MAPK8IP3: variants seen among roughly 807,000 people sequenced by gnomAD.
The protein encoded by MAPK8IP3 is mitogen-activated protein kinase 8 interacting protein 3.
MAPK8IP3 carries 49 observed loss-of-function variants against 157.8 expected under a neutral mutation model. That is an observed-to-expected ratio of 0.31 (90% CI 0.25 to 0.39). The LOEUF is 0.39. Ranked by LOEUF, MAPK8IP3 falls within the 10% of genes least tolerant of loss-of-function variation. The pLI is 1.00. For missense variants in MAPK8IP3, 1,478 were observed against 1,889.4 expected (o/e 0.78, Z 4.04); for synonymous variants, 897 against 777.7 (o/e 1.15, Z -2.55).
intron 4 of MAPK8IP3, among the ~76,000 whole-genome samples, chr16:1,737,898 G>C (rs1596649217): frequency 2.5e-5 from 2 of 79,102 alleles, no homozygotes; most frequent in Admixed American, 1.4e-4. Flanking sequence ...ATCCGTGTGA[G>C]CGTGTGACCG....
chr16:1,737,817 CGTCCGTGTGAGCGTGACT>C (rs2040135070), intron 4 of MAPK8IP3, among the ~76,000 whole-genome samples: 1 of 88,438 alleles, frequency 1.1e-5, no homozygotes, highest in Non-Finnish European at 2.1e-5. Context: ...TCCGTGTGAG[CGTCCGTGTGAGCGTGACT>C]GTCCGTGTGT....
At chr16:1,712,319 C>T (rs1255327769) in intron 1 of MAPK8IP3, among the ~76,000 whole-genome samples, 1 of 151,940 alleles carries the variant, frequency 6.6e-6, no homozygotes, top group Non-Finnish European at 1.5e-5. Context: ...TCTCGGCCTC[C>T]CAAAGTGCTG....
At chr16:1,739,040 G>C (rs1363478421) in intron 4 of MAPK8IP3, among the ~76,000 whole-genome samples, 4 of 139,848 alleles carry the variant, frequency 2.9e-5, no homozygotes, top group Admixed American at 7.2e-5. Flanking sequence ...GCGTCCGTGT[G>C]AGCGTCCGTG....
chr16:1,725,616 G>C (rs1211678371), intron 2 of MAPK8IP3, among the ~76,000 whole-genome samples: 3 of 151,560 alleles, frequency 2.0e-5, no homozygotes, highest in African/African-American at 7.3e-5. Flanking sequence ...GACAGAGTGA[G>C]ACTCCATCTC....
rs768919680 is a variant in MAPK8IP3 at position 1,764,089 on chromosome 16, C to T, written c.2026-26C>T. The T allele has an allele frequency of 8.3e-6, 13 of 1,573,276 alleles. 1 individual carries two copies. The highest frequency in any genetic ancestry group is 1.1e-5 in the South Asian group (1 of 87,790). ...GATGGGTAGGAGCCAGGGTTCGTGC[C>T]CACGGCGCCTCCCTGCTCCCTGCAG... On this transcript the variant is annotated intron_variant, in intron 17 of 31. Coordinates refer to ENST00000610761, the MANE Select transcript of MAPK8IP3 (RefSeq NM_001318852.2).
intron 1 of MAPK8IP3, among the ~76,000 whole-genome samples, chr16:1,718,882 A>G (rs2038332245): frequency 6.6e-6 from 1 of 152,064 alleles, no homozygotes; most frequent in Non-Finnish European, 1.5e-5. Flanking sequence ...CCCCAAGTCT[A>G]GCCCTAGCAT....
Position 1,743,516 on chromosome 16 carries a change from T to G in MAPK8IP3, c.747+40T>G. ...CCGTGGAGTGAGAGGCTCCTCCCTG[T>G]TGCTGGTGTTCCCCGTTCACTGGGG... On this transcript the variant is annotated intron_variant, in intron 5 of 31. Transcript: ENST00000610761. This position sits in a 1 kb window ranked among gnomAD's most constrained non-coding sequence, Gnocchi z 5.6. 1.2e-6 allele frequency: 2 copies of G among 1,600,884 alleles called. No individual in the cohort carries two copies. The highest frequency in any genetic ancestry group is 1.7e-6 in the Non-Finnish European group (2 of 1,177,544).
chr16:1,733,325 C>T (rs2039437341), intron 4 of MAPK8IP3, among the ~76,000 whole-genome samples: 1 of 152,122 alleles, frequency 6.6e-6, no homozygotes, highest in Non-Finnish European at 1.5e-5. Flanking sequence ...GGCCGAGAGC[C>T]CAGGTTCCGA....
At chr16:1,734,995 T>A (rs955502139) in intron 4 of MAPK8IP3, 3 of 154,674 alleles carry the variant, frequency 1.9e-5, no homozygotes, top group Admixed American at 6.5e-5. Flanking sequence ...CCACGTGCCA[T>A]GTGTACACAC....
intron 1 of MAPK8IP3, among the ~76,000 whole-genome samples, chr16:1,716,712 G>C (rs895164668): frequency 6.6e-6 from 1 of 151,204 alleles, no homozygotes; most frequent in Non-Finnish European, 1.5e-5. Flanking sequence ...TTAGGAGTTT[G>C]AGACCAGCCT....
At chr16:1,729,652 A>G in intron 4 of MAPK8IP3, 74 bp downstream of exon 4, 2 of 1,380,678 alleles carry the variant, frequency 1.4e-6, no homozygotes, top group Non-Finnish European at 2.0e-6. Context: ...GGCACATGCC[A>G]GGGTCGTAGT....
rs566942527 is a variant in MAPK8IP3, at chr16:1,758,962, G to C, written c.1229-16G>C. The C allele has an allele frequency of 5.6e-6, 9 of 1,614,118 alleles. No individual in the cohort carries two copies. The South Asian group carries it at 6.6e-5, about 12-fold the overall frequency. On this transcript the variant is annotated splice_polypyrimidine_tract_variant and intron_variant, in intron 9 of 31. Coordinates refer to ENST00000610761, the MANE Select transcript of MAPK8IP3 (RefSeq NM_001318852.2). The stretch of plus-strand genomic sequence containing the variant: ...CCTGGTTGCCCATCTCCTGTGGGAC[G>C]GGGACGGCTCCCTAGTGCGCGATGA...
At chr16:1,760,574 G>A in intron 12 of MAPK8IP3, 42 bp downstream of exon 12, 1 of 1,585,042 alleles carries the variant, frequency 6.3e-7, no homozygotes, top group Non-Finnish European at 8.6e-7. Context: ...AGGGACCCCG[G>A]CCTCAGGGCT....
intron 1 of MAPK8IP3, chr16:1,707,949 C>T (rs905659178): frequency 1.3e-5 from 2 of 152,126 alleles, no homozygotes; most frequent in African/African-American, 4.8e-5. Flanking sequence ...TGGTTTAAAG[C>T]GTGTTTATAA....
chr16:1,719,289 G>GAA (rs76576576), intron 1 of MAPK8IP3, among the ~76,000 whole-genome samples: 1 of 136,438 alleles, frequency 7.3e-6, no homozygotes, highest in Admixed American at 7.3e-5. Flanking sequence ...TCTTTAAAAA[G>GAA]AAAAAAAAAA....
rs1260001397 is a variant in MAPK8IP3, at chr16:1,720,961, G to C, written c.319-3596G>C. ...AGGCAGGAGAATTGCTTGCACCCAG[G>C]GGGCGGAGGTTGCAGTGAGCTGAGT... is the stretch of plus-strand genomic sequence containing the variant. On this transcript the variant is annotated intron_variant, in intron 1 of 31. Transcript: ENST00000610761. 3.9e-5 allele frequency among the ~76,000 whole-genome samples: 6 copies of C among 152,102 alleles called. No homozygotes were observed. In the East Asian group the frequency reaches 1.2e-3, roughly 29 times the overall value.
chr16:1,717,273 A>G (rs186803818), intron 1 of MAPK8IP3, among the ~76,000 whole-genome samples: 1 of 151,934 alleles, frequency 6.6e-6, no homozygotes, highest in East Asian at 1.9e-4. Flanking sequence ...GAAATTCACC[A>G]AAAAGCAAAT....
chr16:1,738,790 TGTGA>T (rs1358907931), intron 4 of MAPK8IP3, among the ~76,000 whole-genome samples: 22 of 131,508 alleles, frequency 1.7e-4, no homozygotes, highest in African/African-American at 3.2e-4. Flanking sequence ...TGAGCGTCCG[TGTGA>T]GTGTGACCAC....
intron 8 of MAPK8IP3, among the ~76,000 whole-genome samples, chr16:1,750,845 A>G (rs12929581): frequency 6.6e-6 from 1 of 151,680 alleles, no homozygotes. Context: ...GGGGTTTCAC[A>G]GTGTTGGTCA....
Sources: allele counts gnomAD v4.1 joint callset (sites outside exome capture counted in the v4.1 genomes callset), GRCh38; gene constraint gnomAD v4.1.1; non-coding constraint Gnocchi (gnomAD v3.1); transcripts MANE v1.5; gene names NCBI Gene and HGNC (gene_info 2026-07-23, HGNC 2026-07-21).